Variants in MYOF observed in about 807,000 individuals in gnomAD.
MYOF encodes fer-1-like 3, myoferlin.
MYOF carries 244 observed loss-of-function variants against 284.2 expected under a neutral mutation model. The observed-to-expected ratio is 0.86, with a 90% CI of 0.77 to 0.95. The LOEUF is 0.95. Among genes scored for constraint, MYOF ranks in the 40% least tolerant of loss-of-function variants. The pLI is 0.00. For missense variants in MYOF, 2,496 were observed against 2,560.6 expected (o/e 0.97, Z 0.54); for synonymous variants, 904 against 919.7 (o/e 0.98, Z 0.31).
intron 3 of MYOF, among the ~76,000 whole-genome samples, chr10:93,446,642 C>T (rs1446722786): frequency 1.3e-5 from 2 of 152,086 alleles, no homozygotes; most frequent in Non-Finnish European, 2.9e-5. Context: ...GTAACCAAGA[C>T]CAGCTTCATA....
At chr10:93,402,534 C>G (rs1293189069) in intron 10 of MYOF, among the ~76,000 whole-genome samples, 187 bp from the exon 11 acceptor site, 1 of 151,790 alleles carries the variant, frequency 6.6e-6, no homozygotes, top group East Asian at 1.9e-4. Flanking sequence ...CCCCACCATT[C>G]TGTCCTCGTG....
At chr10:93,452,165 A>G (rs772248110) in intron 2 of MYOF, 24 bp from the exon 3 acceptor site, 2 of 1,521,400 alleles carry the variant, frequency 1.3e-6, no homozygotes, top group African/African-American at 2.8e-5. Context: ...GGTTTTGAAA[A>G]AAGAGAAAAA....
chr10:93,454,228 A>G (rs1037666843), intron 2 of MYOF, among the ~76,000 whole-genome samples: 3 of 152,102 alleles, frequency 2.0e-5, no homozygotes, highest in Non-Finnish European at 2.9e-5. Context: ...CAGCAATCCC[A>G]GTGGGTTTGG....
At chr10:93,379,349 C>A (rs1211397449) in intron 21 of MYOF, among the ~76,000 whole-genome samples, 1 of 152,198 alleles carries the variant, frequency 6.6e-6, no homozygotes, top group East Asian at 1.9e-4. Flanking sequence ...TTCCACCCCA[C>A]TCCTACCTTT....
intron 5 of MYOF, among the ~76,000 whole-genome samples, chr10:93,419,310 A>C (rs1355658295): frequency 6.6e-6 from 1 of 152,080 alleles, no homozygotes; most frequent in Admixed American, 6.6e-5. Flanking sequence ...TTACAGATGC[A>C]TGCAACCACG....
intron 43 of MYOF, among the ~76,000 whole-genome samples, chr10:93,331,677 G>A (rs1477021046): frequency 6.9e-6 from 1 of 143,968 alleles, no homozygotes; most frequent in African/African-American, 2.5e-5. Flanking sequence ...CGGGTGCATG[G>A]CCTTGGGTGT....
chr10:93,402,651 A>G (rs1847353117), intron 10 of MYOF, among the ~76,000 whole-genome samples: 1 of 152,232 alleles, frequency 6.6e-6, no homozygotes, highest in African/African-American at 2.4e-5. Flanking sequence ...TTGAATGTTA[A>G]GATAAAAAAT....
chr10:93,413,525 G>A (rs751097141), intron 5 of MYOF, among the ~76,000 whole-genome samples: 17 of 152,186 alleles, frequency 1.1e-4, no homozygotes, highest in Admixed American at 2.6e-4. Flanking sequence ...GTGAGACCCA[G>A]GCCTGAATGT....
At chr10:93,452,229 T>A in intron 2 of MYOF, 88 bp from the exon 3 acceptor site, 1 of 812,546 alleles carries the variant, frequency 1.2e-6, no homozygotes, top group Non-Finnish European at 2.1e-6. Flanking sequence ...GTACTACATG[T>A]TGGGTCATTA....
intron 24 of MYOF, among the ~76,000 whole-genome samples, chr10:93,371,621 T>C (rs2133965817): frequency 6.6e-6 from 1 of 152,356 alleles, no homozygotes; most frequent in East Asian, 1.9e-4. Flanking sequence ...TAACGGGTTA[T>C]TGTTACAGTT....
At chr10:93,389,298 G>C in intron 17 of MYOF, 144 bp from the exon 18 acceptor site, 1 of 856,032 alleles carries the variant, frequency 1.2e-6, no homozygotes, top group Non-Finnish European at 1.6e-6. Context: ...AGCACCATGA[G>C]GTTTGCCATA....
intron 3 of MYOF, among the ~76,000 whole-genome samples, chr10:93,448,195 T>C (rs1027355532): frequency 6.6e-6 from 1 of 152,052 alleles, no homozygotes; most frequent in African/African-American, 2.4e-5. Context: ...CAGAATATTC[T>C]TCCCCCCTAC....
chr10:93,399,667 A>G (rs1313151297), intron 12 of MYOF, among the ~76,000 whole-genome samples, 172 bp from the exon 13 acceptor site: 1 of 152,226 alleles, frequency 6.6e-6, no homozygotes, highest in African/African-American at 2.4e-5. Flanking sequence ...AGGTCAGAAG[A>G]GCAAGGCCAT....
intron 7 of MYOF, among the ~76,000 whole-genome samples, chr10:93,404,927 T>C (rs1367394765): frequency 6.6e-6 from 1 of 152,226 alleles, no homozygotes; most frequent in Admixed American, 6.5e-5. Context: ...ATTAGGTATA[T>C]AGGAGGTTTA....
At chr10:93,364,913 AAAG>A (rs2133941506) in intron 26 of MYOF, among the ~76,000 whole-genome samples, 1 of 152,348 alleles carries the variant, frequency 6.6e-6, no homozygotes, top group Non-Finnish European at 1.5e-5. Context: ...TCTGGGCCTC[AAAG>A]AAGGAGAATA....
chr10:93,361,360 A>G, intron 28 of MYOF, 92 bp downstream of exon 28: 1 of 1,246,072 alleles, frequency 8.0e-7, no homozygotes, highest in Non-Finnish European at 1.1e-6. Context: ...AGACCAACAG[A>G]AGTGAGGCCC....
chr10:93,369,717 C>T lies in MYOF; in HGVS notation c.2517G>A (p.Trp839Ter). 6.2e-7 allele frequency: 1 copy of T among 1,614,202 alleles called. No individual in the cohort carries two copies. ...TCTTCTCCACAGCACTTAAGCCTAG[C>T]CAGATGTTCACTCGCAACTCCACAG... ...KVPVELRVNI[W>*]LGLSAVEKKF... The change falls in exon 25 of 54, where the codon TGG becomes TGA. Residue 839 changes from tryptophan to a stop codon, truncating the protein, a stop_gained. Transcript: ENST00000359263. LOFTEE classifies it high-confidence loss of function.
intron 13 of MYOF, 28 bp downstream of exon 13, chr10:93,399,364 A>G (rs746346832): frequency 6.8e-7 from 1 of 1,480,844 alleles, no homozygotes; most frequent in Non-Finnish European, 9.4e-7. Context: ...TATTACTAGC[A>G]GCATCTGCAT....
At chr10:93,409,028 G>A in intron 6 of MYOF, 113 bp from the exon 7 acceptor site, 1 of 1,504,684 alleles carries the variant, frequency 6.6e-7, no homozygotes, top group Non-Finnish European at 9.0e-7. Flanking sequence ...CACCAGGCCA[G>A]GGCAGCTTTG....
Sources: gnomAD v4.1 joint callset for allele counts (sites outside exome capture counted in the v4.1 genomes callset) on GRCh38, gnomAD v4.1.1 for gene constraint, MANE v1.5 for transcripts, NCBI Gene and HGNC (gene_info 2026-07-23, HGNC 2026-07-21) for gene names.